The following TMTC2 variants were observed in gnomAD, a reference collection of about 807,000 sequenced individuals.
The protein encoded by TMTC2 is transmembrane O-mannosyltransferase targeting cadherins 2.
A neutral mutation model predicts 82.4 loss-of-function variants in TMTC2; 43 were observed. That is an observed-to-expected ratio of 0.52 (90% CI 0.41 to 0.67). TMTC2 has a LOEUF of 0.67. Ranked by LOEUF, TMTC2 falls within the 30% of genes least tolerant of loss-of-function variation. The pLI is 0.00. For missense variants in TMTC2, 919 were observed against 1,012.4 expected (o/e 0.91, Z 1.25); for synonymous variants, 408 against 381.9 (o/e 1.07, Z -0.80).
chr12:82,761,465 A>T (rs1876628211), intron 1 of TMTC2, among the ~76,000 whole-genome samples: 1 of 152,194 alleles, frequency 6.6e-6, no homozygotes, highest in Admixed American at 6.5e-5. Flanking sequence ...GTGGCCATCC[A>T]GTCCTCACAG....
chr12:82,764,781 T>G (rs945102441), intron 1 of TMTC2, among the ~76,000 whole-genome samples: 1 of 11,880 alleles, frequency 8.4e-5, no homozygotes, highest in African/African-American at 9.3e-5. Context: ...ACAATTTTCA[T>G]GTAAGAGGGG....
intron 8 of TMTC2, among the ~76,000 whole-genome samples, chr12:82,994,702 G>T (rs1879541012): frequency 6.7e-6 from 1 of 150,352 alleles, no homozygotes; most frequent in African/African-American, 2.4e-5. Context: ...CCTGAACTTT[G>T]TCTCTTTCTG....
At chr12:82,740,201 A>T (rs1450937927) in intron 1 of TMTC2, among the ~76,000 whole-genome samples, 1 of 152,178 alleles carries the variant, frequency 6.6e-6, no homozygotes, top group Non-Finnish European at 1.5e-5. Context: ...TCATTTGGGA[A>T]ATAAATCTTT....
In TMTC2 at chr12:82,773,584, C is replaced by T. The variant is rs1055856703; in HGVS notation, c.84-83426C>T. ...CAAGTGATTCTCCTGCCTCAGCCTCCTGAGTAGCTGGGATTACAGGCGTGT... is the reference window on the plus strand; with the variant it reads ...CAAGTGATTCTCCTGCCTCAGCCTCTTGAGTAGCTGGGATTACAGGCGTGT... On this transcript the variant is annotated intron_variant, in intron 1 of 11. Coordinates refer to ENST00000321196, the MANE Select transcript of TMTC2 (RefSeq NM_152588.3). Among the ~76,000 whole-genome samples the T allele has an allele frequency of 2.3e-3, 347 of 151,902 alleles. 2 individuals are homozygous for T. Among genetic ancestry groups the T allele is most frequent in the Non-Finnish European group, 3.2e-3 (218 of 67,902 alleles).
intron 3 of TMTC2, among the ~76,000 whole-genome samples, chr12:82,900,654 A>AAT (rs1225606718): frequency 2.0e-4 from 29 of 144,786 alleles, no homozygotes; most frequent in African/African-American, 7.0e-4. Flanking sequence ...ATATCTCTGG[A>AAT]ATATATATAT....
At chr12:82,953,610 GA>G in intron 4 of TMTC2, among the ~76,000 whole-genome samples, 1 of 152,164 alleles carries the variant, frequency 6.6e-6, no homozygotes, top group Admixed American at 6.5e-5. Context: ...TAATTCTTGG[GA>G]AAAAAGTGAG....
chr12:83,009,438 G>A (rs1010230464), intron 8 of TMTC2, among the ~76,000 whole-genome samples: 7 of 151,846 alleles, frequency 4.6e-5, no homozygotes, highest in Admixed American at 3.3e-4. Flanking sequence ...TTTTTGGCTC[G>A]ATTTGCTTCT....
chr12:82,720,303 T>A (rs1874144907), intron 1 of TMTC2, among the ~76,000 whole-genome samples: 1 of 152,210 alleles, frequency 6.6e-6, no homozygotes, highest in Non-Finnish European at 1.5e-5. Context: ...AATATTTTTG[T>A]AAATGGAATT....
At chr12:82,892,490 A>G (rs1873446048) in intron 2 of TMTC2, among the ~76,000 whole-genome samples, 1 of 151,424 alleles carries the variant, frequency 6.6e-6, no homozygotes, top group African/African-American at 2.5e-5. Context: ...ACGTCTATGA[A>G]AAATTAAAGA....
intron 10 of TMTC2, 150 bp downstream of exon 10, chr12:83,051,168 T>A: frequency 3.5e-6 from 2 of 567,442 alleles, no homozygotes; most frequent in Non-Finnish European, 5.9e-6. Context: ...ATTGTATTCA[T>A]TATAGGCTAT....
At chr12:83,120,556 C>A (rs1884915732) in intron 11 of TMTC2, among the ~76,000 whole-genome samples, 1 of 152,174 alleles carries the variant, frequency 6.6e-6, no homozygotes, top group South Asian at 2.1e-4. Flanking sequence ...TATAGGTTAC[C>A]TGGTACATTT....
intron 3 of TMTC2, among the ~76,000 whole-genome samples, chr12:82,908,593 T>C (rs763944571): frequency 6.6e-6 from 1 of 152,180 alleles, no homozygotes; most frequent in Non-Finnish European, 1.5e-5. Context: ...TTCATCTGTA[T>C]TTCTGAGTGA....
Position 83,067,659 on chromosome 12 carries a change from T to G in TMTC2, c.2331+5828T>G, listed in dbSNP as rs150761230. 5.7e-3 allele frequency among the ~76,000 whole-genome samples: 866 copies of G among 152,140 alleles called. 13 individuals are homozygous for G. Among genetic ancestry groups the G allele is most frequent in the African/African-American group, 0.02 (811 of 41,528 alleles). ...GATAGAATTTTATGTTAAAGACTCA[T>G]GGACAACTGCATGTTCTGAGGAGCA... On this transcript the variant is annotated intron_variant, in intron 11 of 11. Transcript: ENST00000321196.
intron 2 of TMTC2, among the ~76,000 whole-genome samples, chr12:82,870,266 G>T (rs1796155): frequency 0.071 from 10,845 of 152,018 alleles, 1,313 homozygotes; most frequent in African/African-American, 0.25. Flanking sequence ...TTCAGATAGG[G>T]TCTCCTTATT....
At chr12:82,987,418 TC>T (rs1879200567) in intron 8 of TMTC2, among the ~76,000 whole-genome samples, 1 of 61,344 alleles carries the variant, frequency 1.6e-5, no homozygotes, top group Non-Finnish European at 2.9e-5. Flanking sequence ...AGACTCCATC[TC>T]AAAAAAAAAA....
In TMTC2 at chr12:82,760,771, G is replaced by A. The variant is rs866211581; in HGVS notation, c.83+73102G>A. The A allele has an allele frequency of 5.5e-5, 16 of 292,098 alleles. No individual in the cohort carries two copies. In the East Asian group the frequency reaches 1.4e-3, roughly 25 times the overall value. The allele number at this position is 292,098 out of a possible 1,614,324, so 18.1% of individuals were successfully genotyped here. ...TGGTGGCATTAGATTCTCATAGGGT[G>A]CAAACCCTGCTGTGAACTGCGCATG... On this transcript the variant is annotated intron_variant, in intron 1 of 11. Transcript: ENST00000321196.
At chr12:82,741,592 A>C in intron 1 of TMTC2, among the ~76,000 whole-genome samples, 1 of 152,246 alleles carries the variant, frequency 6.6e-6, no homozygotes, top group African/African-American at 2.4e-5. Context: ...TACAGGCGTG[A>C]GCCACCACAC....
intron 1 of TMTC2, among the ~76,000 whole-genome samples, chr12:82,802,359 C>T (rs1020790581): frequency 5.9e-5 from 9 of 152,274 alleles, no homozygotes; most frequent in East Asian, 1.9e-4. Flanking sequence ...CTGAGGGAGC[C>T]GGCTCCGGCT....
At chr12:82,690,552 C>A in intron 1 of TMTC2, 2 of 275,576 alleles carry the variant, frequency 7.3e-6, no homozygotes, top group Non-Finnish European at 1.1e-5. Flanking sequence ...TTTCTTATAG[C>A]ACAATCAATT....
Sources: allele counts gnomAD v4.1 joint callset (sites outside exome capture counted in the v4.1 genomes callset), GRCh38; gene constraint gnomAD v4.1.1; transcripts MANE v1.5; gene names NCBI Gene and HGNC (gene_info 2026-07-23, HGNC 2026-07-21).